TENM2: variants seen among roughly 807,000 people sequenced by gnomAD.
TENM2 encodes the protein teneurin transmembrane protein 2.
Under a neutral mutation model 245.2 loss-of-function variants are expected in TENM2, and 52 were observed. The observed-to-expected ratio is 0.21, with a 90% CI of 0.17 to 0.27. TENM2 has a LOEUF of 0.27. Among genes scored for constraint, TENM2 ranks in the 10% least tolerant of loss-of-function variants. TENM2 has a pLI of 1.00. For missense variants in TENM2, 3,046 were observed against 3,666.8 expected (o/e 0.83, Z 4.37); for synonymous variants, 1,363 against 1,438.9 (o/e 0.95, Z 1.19).
At chr5:167,124,371 T>A in the TENM2 span, among the ~76,000 whole-genome samples, 2 of 152,220 alleles carry the variant, frequency 1.3e-5, no homozygotes, top group African/African-American at 2.4e-5. Context: ...TATGTTCATC[T>A]TGAGATGTAA....
At chr5:167,449,069 T>C (rs1048347475) in intron 2 of TENM2, among the ~76,000 whole-genome samples, 1 of 152,076 alleles carries the variant, frequency 6.6e-6, no homozygotes, top group Non-Finnish European at 1.5e-5. Context: ...AAAATTGGTA[T>C]GCAAAAATAG....
At chr5:167,524,464 A>G (rs1235564513) in intron 2 of TENM2, among the ~76,000 whole-genome samples, 1 of 152,168 alleles carries the variant, frequency 6.6e-6, no homozygotes, top group African/African-American at 2.4e-5. Context: ...ATGGGTAAAT[A>G]TCTTTATTAT....
At chr5:167,391,953 C>T (rs1761785291) in intron 2 of TENM2, among the ~76,000 whole-genome samples, 1 of 152,074 alleles carries the variant, frequency 6.6e-6, no homozygotes, top group African/African-American at 2.4e-5. Flanking sequence ...GGAGCAAACT[C>T]TGAGTAGTCC....
chr5:167,014,271 T>C, the TENM2 span, among the ~76,000 whole-genome samples: 1 of 150,190 alleles, frequency 6.7e-6, no homozygotes. Context: ...AAATACGACA[T>C]AAGATATTTT....
At chr5:167,433,675 T>C (rs1441966060) in intron 2 of TENM2, among the ~76,000 whole-genome samples, 1 of 152,076 alleles carries the variant, frequency 6.6e-6, no homozygotes, top group Non-Finnish European at 1.5e-5. Context: ...ATCAAGTATA[T>C]AGTCTTTCTA....
chr5:167,285,059 A>G lies in TENM2; in HGVS notation c.222A>G (p.Arg74=), dbSNP rs1409307791. The change falls in exon 1 of 29, where the codon AGA becomes AGG. Residue 74 remains arginine, a synonymous_variant. Coordinates refer to ENST00000518659, the Ensembl canonical transcript of TENM2. ...ACCGGGAGTCAGATGAGTTTCCTAG[A>G]CAAGGTTTGTAGGGTTTCCCCTGCT... The G allele has an allele frequency of 5.8e-6, 9 of 1,551,458 alleles. No homozygotes were observed. The African/African-American group carries it at 1.2e-4, about 21-fold the overall frequency.
intron 2 of TENM2, among the ~76,000 whole-genome samples, chr5:167,697,673 C>G (rs1051244186): frequency 5.3e-5 from 8 of 152,064 alleles, no homozygotes; most frequent in African/African-American, 1.7e-4. Context: ...TACAGGCACC[C>G]GCCACCATGT....
intron 12 of TENM2, among the ~76,000 whole-genome samples, chr5:168,154,146 T>TAAAAAAAAAA (rs1562223601): frequency 2.6e-5 from 2 of 75,722 alleles, no homozygotes; most frequent in African/African-American, 1.2e-4. Context: ...ATCACCTACT[T>TAAAAAAAAAA]TAAAAAAAAA....
chr5:167,593,173 C>G (rs1775988649), intron 2 of TENM2, among the ~76,000 whole-genome samples: 1 of 152,166 alleles, frequency 6.6e-6, no homozygotes, highest in Non-Finnish European at 1.5e-5. Flanking sequence ...ATACAGCTCA[C>G]TTTCTGTGGA....
chr5:167,354,474 C>A (rs200918832), intron 1 of TENM2, among the ~76,000 whole-genome samples: 33,713 of 151,910 alleles, frequency 0.22, 3,865 homozygotes, highest in Non-Finnish European at 0.25. Context: ...ATATTCTCTA[C>A]AAGCTTTCCC....
At chr5:167,997,693 G>A (rs1163867756) in intron 5 of TENM2, among the ~76,000 whole-genome samples, 4 of 152,076 alleles carry the variant, frequency 2.6e-5, no homozygotes, top group Non-Finnish European at 4.4e-5. Context: ...TATGTGTTAT[G>A]AAATATTATT....
At chr5:167,375,596 G>T in intron 2 of TENM2, 123 bp downstream of exon 4, 1 of 1,044,386 alleles carries the variant, frequency 9.6e-7, no homozygotes, top group Non-Finnish European at 1.4e-6. Flanking sequence ...AATCGACCTT[G>T]TCTACCCAGT....
intron 2 of TENM2, among the ~76,000 whole-genome samples, chr5:167,689,479 A>T (rs1757283955): frequency 6.6e-6 from 1 of 152,238 alleles, no homozygotes; most frequent in African/African-American, 2.4e-5. Flanking sequence ...TCCCACAGCC[A>T]GAGATCCGAG....
intron 1 of TENM2, among the ~76,000 whole-genome samples, chr5:167,363,623 C>A (rs376419118): frequency 6.9e-6 from 1 of 145,380 alleles, no homozygotes; most frequent in Non-Finnish European, 1.5e-5. Context: ...CCCAGCTACT[C>A]GGGAGGCTGA....
intron 2 of TENM2, among the ~76,000 whole-genome samples, chr5:167,684,257 T>C (rs73801354): frequency 0.046 from 7,035 of 152,326 alleles, 525 homozygotes; most frequent in African/African-American, 0.16. Flanking sequence ...TTCCAAATGA[T>C]GCCACCTGGC....
chr5:167,263,622 A>G, the TENM2 span, among the ~76,000 whole-genome samples: 2 of 152,072 alleles, frequency 1.3e-5, no homozygotes, highest in African/African-American at 4.8e-5. Context: ...TAATATTTCT[A>G]TAATGATTTT....
At chr5:167,990,606 A>G (rs1023076298) in intron 4 of TENM2, among the ~76,000 whole-genome samples, 1 of 152,198 alleles carries the variant, frequency 6.6e-6, no homozygotes, top group African/African-American at 2.4e-5. Flanking sequence ...TTGTGCTACA[A>G]TGCTGTCATG....
chr5:167,431,599 A>G (rs1764224137), intron 2 of TENM2, among the ~76,000 whole-genome samples: 1 of 152,228 alleles, frequency 6.6e-6, no homozygotes, highest in Non-Finnish European at 1.5e-5. Context: ...TGTCTAAAAA[A>G]TAGATTGCAT....
At chr5:167,728,275 A>G (rs959144963) in intron 2 of TENM2, among the ~76,000 whole-genome samples, 3 of 151,956 alleles carry the variant, frequency 2.0e-5, no homozygotes, top group African/African-American at 7.3e-5. Context: ...AGTCCTGCCT[A>G]CACACAAGTA....
Sources: allele counts gnomAD v4.1 joint callset (sites outside exome capture counted in the v4.1 genomes callset), GRCh38; gene constraint gnomAD v4.1.1; transcripts MANE v1.5; gene names NCBI Gene and HGNC (gene_info 2026-07-23, HGNC 2026-07-21).